Variants in KHDRBS3 observed in about 807,000 individuals in gnomAD.
KHDRBS3 encodes KH domain-containing, RNA-binding, signal transduction-associated protein 3.
A neutral mutation model predicts 45.6 loss-of-function variants in KHDRBS3; 23 were observed. That is an observed-to-expected ratio of 0.50 (90% CI 0.36 to 0.72). The LOEUF (loss-of-function observed/expected upper bound fraction) is 0.72, where lower values mean the gene tolerates loss of function less well. KHDRBS3 is among the 30% of genes least tolerant of loss of function. KHDRBS3 has a pLI of 0.00. For synonymous variants in KHDRBS3, 162 were observed against 156.5 expected (o/e 1.04, Z -0.26); for missense variants, 352 against 424.8 (o/e 0.83, Z 1.51).
chr8:135,489,368 A>T (rs1390320578), intron 1 of KHDRBS3, among the ~76,000 whole-genome samples: 2 of 152,140 alleles, frequency 1.3e-5, no homozygotes, highest in Non-Finnish European at 2.9e-5. Flanking sequence ...ACTAGTTTTT[A>T]ACAAAAATAG....
chr8:135,528,534 G>C (rs930709788), intron 2 of KHDRBS3, among the ~76,000 whole-genome samples: 1 of 152,126 alleles, frequency 6.6e-6, no homozygotes, highest in African/African-American at 2.4e-5. Context: ...AATGATTTTT[G>C]ATGTTCACGT....
At chr8:135,580,701 C>G (rs1002518508) in intron 5 of KHDRBS3, among the ~76,000 whole-genome samples, 2 of 151,740 alleles carry the variant, frequency 1.3e-5, no homozygotes, top group African/African-American at 2.4e-5. Context: ...CAACCTCAGC[C>G]TCTTGGGTTC....
At chr8:135,528,928 T>G (rs1448376286) in intron 2 of KHDRBS3, among the ~76,000 whole-genome samples, 3 of 152,170 alleles carry the variant, frequency 2.0e-5, no homozygotes, top group African/African-American at 7.2e-5. Context: ...ACAGTGGCCA[T>G]TTTCAACATG....
At position 135,570,302 on chromosome 8, in the gene KHDRBS3, G is replaced by T. The variant is rs373780373; in HGVS notation, c.612-11576G>T. ...TACATACTGAATAGAAAAGTTACAA[G>T]ATATTATCTTTAAAATTGATTAAGA... is the stretch of plus-strand genomic sequence containing the variant. On this transcript the variant is annotated intron_variant, in intron 5 of 8. Transcript: ENST00000355849. Among the ~76,000 whole-genome samples, 27 of 152,212 alleles carry T rather than the reference G, an allele frequency of 1.8e-4. No individual in the cohort carries two copies. In the East Asian group the frequency reaches 3.9e-3, roughly 22 times the overall value.
intron 1 of KHDRBS3, among the ~76,000 whole-genome samples, chr8:135,508,958 T>A (rs1020494135): frequency 6.6e-6 from 1 of 152,156 alleles, no homozygotes; most frequent in African/African-American, 2.4e-5. Context: ...GACTACCAGA[T>A]AAAAATGAGT....
At chr8:135,612,769 T>G (rs1456759186) in intron 7 of KHDRBS3, among the ~76,000 whole-genome samples, 1 of 151,748 alleles carries the variant, frequency 6.6e-6, no homozygotes, top group Non-Finnish European at 1.5e-5. Context: ...TAAAAGCTGC[T>G]CAGTCCCCCA....
chr8:135,622,586 A>G (rs1047271712), intron 7 of KHDRBS3, among the ~76,000 whole-genome samples: 11 of 152,254 alleles, frequency 7.2e-5, no homozygotes, highest in Non-Finnish European at 1.3e-4. Context: ...AGTAATAGAT[A>G]TGGCTTTGAA....
intron 6 of KHDRBS3, among the ~76,000 whole-genome samples, chr8:135,597,344 A>G (rs1829015377): frequency 6.6e-6 from 1 of 152,212 alleles, no homozygotes; most frequent in African/African-American, 2.4e-5. Context: ...AATGGACATT[A>G]AGTTTCAACA....
chr8:135,602,680 A>C (rs976904048), intron 6 of KHDRBS3, among the ~76,000 whole-genome samples: 2 of 152,252 alleles, frequency 1.3e-5, no homozygotes, highest in Non-Finnish European at 2.9e-5. Context: ...ACATTACTAA[A>C]GTAACCATGA....
intron 5 of KHDRBS3, among the ~76,000 whole-genome samples, chr8:135,577,345 A>T (rs1323490881): frequency 6.6e-6 from 1 of 152,118 alleles, no homozygotes; most frequent in Non-Finnish European, 1.5e-5. Flanking sequence ...GCTTTGTGTC[A>T]TGTATTCACC....
At chr8:135,632,927 A>G (rs1830664221) in intron 7 of KHDRBS3, among the ~76,000 whole-genome samples, 1 of 152,072 alleles carries the variant, frequency 6.6e-6, no homozygotes, top group African/African-American at 2.4e-5. Context: ...CCCCCAGATA[A>G]TATCTGCATA....
chr8:135,518,329 C>T (rs1045175999), intron 1 of KHDRBS3, among the ~76,000 whole-genome samples: 11 of 152,160 alleles, frequency 7.2e-5, no homozygotes, highest in African/African-American at 2.6e-4. Flanking sequence ...CCTGCCACCA[C>T]GTCCAGCTAA....
At chr8:135,536,242 T>TG (rs1431706604) in intron 2 of KHDRBS3, among the ~76,000 whole-genome samples, 4 of 111,226 alleles carry the variant, frequency 3.6e-5, no homozygotes, top group African/African-American at 1.9e-4. Flanking sequence ...CAGTTTTTTT[T>TG]TTTTTTTTTT....
At chr8:135,600,619 G>A (rs1829166554) in intron 6 of KHDRBS3, among the ~76,000 whole-genome samples, 1 of 152,130 alleles carries the variant, frequency 6.6e-6, no homozygotes, top group Non-Finnish European at 1.5e-5. Flanking sequence ...ACAAGTGCAC[G>A]GTCTGATTTT....
At chr8:135,568,501 A>G (rs1370759144) in intron 5 of KHDRBS3, among the ~76,000 whole-genome samples, 2 of 152,206 alleles carry the variant, frequency 1.3e-5, no homozygotes, top group Non-Finnish European at 2.9e-5. Flanking sequence ...AGAAAAAGTG[A>G]TGGGACTAAA....
chr8:135,656,471 A>G (rs1300718062), exon 5 of KHDRBS3: 1 of 152,216 alleles, frequency 6.6e-6, no homozygotes, highest in Non-Finnish European at 1.5e-5. Context: ...AATGATTTGT[A>G]TAGTAGTTAA....
rs115388221 is a variant in KHDRBS3, at chr8:135,534,333, T to C, written c.208-8321T>C. On this transcript the variant is annotated intron_variant, in intron 2 of 8. Transcript: ENST00000355849. ...TGCTTCCTTTCATCTCCCTGTGTGG[T>C]ATATTCTAGGTTTTGTTTTAATTAA... Among the ~76,000 whole-genome samples the C allele has an allele frequency of 7.9e-3, 1,210 of 152,202 alleles. 11 individuals carry two copies. The highest frequency in any genetic ancestry group is 0.027 in the African/African-American group (1,138 of 41,514).
intron 3 of KHDRBS3, among the ~76,000 whole-genome samples, chr8:135,547,453 A>G (rs754402983): frequency 2.0e-5 from 3 of 152,190 alleles, no homozygotes; most frequent in Non-Finnish European, 4.4e-5. Context: ...TTGCAAATTA[A>G]GTATTGGATT....
intron 5 of KHDRBS3, among the ~76,000 whole-genome samples, chr8:135,580,327 C>T (rs904158519): frequency 2.0e-5 from 3 of 152,168 alleles, no homozygotes; most frequent in Non-Finnish European, 4.4e-5. Flanking sequence ...GAACTGGTAT[C>T]ATTTCATTCT....
Sources: gnomAD v4.1 joint callset for allele counts (sites outside exome capture counted in the v4.1 genomes callset) on GRCh38, gnomAD v4.1.1 for gene constraint, MANE v1.5 for transcripts, NCBI Gene and HGNC (gene_info 2026-07-23, HGNC 2026-07-21) for gene names.